The following IGF2BP3 variants were observed in gnomAD, a reference collection of about 807,000 sequenced individuals.
IGF2BP3 encodes insulin like growth factor 2 mRNA binding protein 3.
IGF2BP3 carries 9 observed loss-of-function variants against 73.8 expected under a neutral mutation model. The ratio of observed to expected loss-of-function variants is 0.12; its 90% confidence interval spans 0.07 to 0.21. The LOEUF is 0.21. Ranked by LOEUF, IGF2BP3 falls within the 10% of genes least tolerant of loss-of-function variation. IGF2BP3 has a pLI of 1.00. For synonymous variants in IGF2BP3, 258 were observed against 256.7 expected (o/e 1.01, Z -0.05); for missense variants, 542 against 714.0 (o/e 0.76, Z 2.75).
At chr7:23,355,216 TTTATTTTTA>T (rs1250101181) in intron 5 of IGF2BP3, among the ~76,000 whole-genome samples, 19 of 127,576 alleles carry the variant, frequency 1.5e-4, no homozygotes, top group East Asian at 3.9e-4. Context: ...GTTTTGTCTT[TTTATTTTTA>T]TTTTTTTTTT....
chr7:23,428,014 T>A (rs1008771480), intron 2 of IGF2BP3, among the ~76,000 whole-genome samples: 3 of 146,748 alleles, frequency 2.0e-5, no homozygotes, highest in Non-Finnish European at 4.5e-5. Context: ...TCAAAAAAAA[T>A]AAAATAAAAT....
intron 13 of IGF2BP3, 21 bp downstream of exon 13, chr7:23,313,501 A>G (rs757020847): frequency 8.7e-6 from 14 of 1,612,566 alleles, no homozygotes; most frequent in Middle Eastern, 1.7e-4. Flanking sequence ...ACCACTGCAC[A>G]GGTTTTGCTG....
chr7:23,442,212 G>C (rs1476166165), intron 2 of IGF2BP3, among the ~76,000 whole-genome samples: 1 of 152,148 alleles, frequency 6.6e-6, no homozygotes, highest in Non-Finnish European at 1.5e-5. Flanking sequence ...TAGGCATAAT[G>C]GTTGTCATTG....
chr7:23,412,842 CTTTTTTTTTTTTTTTTTTT>C (rs557467066), intron 3 of IGF2BP3, among the ~76,000 whole-genome samples: 64 of 37,026 alleles, frequency 1.7e-3, no homozygotes, highest in South Asian at 0.012. Context: ...AGACTCTGGC[CTTTTTTTTTTTTTTTTTTT>C]TTTTTTTTTT....
In IGF2BP3 at chr7:23,346,778, A is replaced by T. The variant is rs577369338; in HGVS notation, c.819-716T>A. Among the ~76,000 whole-genome samples, 107 of 152,042 alleles carry T rather than the reference A, an allele frequency of 7.0e-4. No homozygotes were observed. The Middle Eastern group carries it at 0.01, about 14-fold the overall frequency. On this transcript the variant is annotated intron_variant, in intron 7 of 14. Transcript: ENST00000258729. ...CATCTAATTCTTGTATTTTCAGTAGAGACGGGGTTTCACCATGTTGGCCAG... is the reference window on the plus strand; with the variant it reads ...CATCTAATTCTTGTATTTTCAGTAGTGACGGGGTTTCACCATGTTGGCCAG...
intron 2 of IGF2BP3, chr7:23,431,439 T>C (rs893735274): frequency 2.0e-5 from 3 of 152,110 alleles, no homozygotes; most frequent in Non-Finnish European, 4.4e-5. Flanking sequence ...CAGTCTTAAA[T>C]AAGTATCTGT....
chr7:23,336,283 T>TA (rs1168299153), intron 10 of IGF2BP3, among the ~76,000 whole-genome samples: 2 of 152,184 alleles, frequency 1.3e-5, no homozygotes, highest in Non-Finnish European at 2.9e-5. Context: ...ACTGTTAACC[T>TA]ACAAGACATC....
intron 3 of IGF2BP3, among the ~76,000 whole-genome samples, chr7:23,404,849 C>G (rs1450809813): frequency 2.0e-5 from 3 of 152,116 alleles, no homozygotes; most frequent in African/African-American, 7.2e-5. Flanking sequence ...TAATAGTGCC[C>G]TGTCACTCCC....
Position 23,347,725 on chromosome 7 carries a change from G to T in IGF2BP3, c.693C>A (p.Val231=). The change falls in exon 7 of 15, where the codon GTC becomes GTA. Residue 231 remains valine, a synonymous_variant. Coordinates refer to ENST00000258729, the MANE Select transcript of IGF2BP3 (RefSeq NM_006547.3). ...CAGCCCCCGCATTTTCTTTACGGTG[G>T]ACATCGATTCTGATAGTGGGCGCAA... ...ITKQTQSKID[V]HRKENAGAAE... 6.2e-7 allele frequency: 1 copy of T among 1,614,058 alleles called. No individual in the cohort carries two copies. Among genetic ancestry groups the T allele is most frequent in the East Asian group, 2.2e-5 (1 of 44,846 alleles).
chr7:23,466,694 GC>G (rs1375371997), intron 2 of IGF2BP3, among the ~76,000 whole-genome samples: 3 of 152,268 alleles, frequency 2.0e-5, no homozygotes, highest in Admixed American at 2.0e-4. Context: ...AATAAAACAG[GC>G]AGTTGTTAAC....
intron 5 of IGF2BP3, among the ~76,000 whole-genome samples, chr7:23,356,178 A>T (rs1785091458): frequency 6.6e-6 from 1 of 152,224 alleles, no homozygotes; most frequent in South Asian, 2.1e-4. Context: ...TAACCACGTT[A>T]TCCTCCAAAG....
rs866738454 is a variant in IGF2BP3, at chr7:23,418,795, G to T, written c.266C>A (p.Pro89Gln). 1 of 1,581,574 alleles carries T rather than the reference G, an allele frequency of 6.3e-7. No homozygotes were observed. Among genetic ancestry groups the T allele is most frequent in the South Asian group, 1.1e-5 (1 of 87,056 alleles). ...TCTTACCTCCCACTGTAAATGAGGC[G>T]GGATATTTCGTATCTGAAGTTTCCG... ...RIRKLQIRNIPPHLQWEVLDS... is the reference protein window; with the variant it reads ...RIRKLQIRNIQPHLQWEVLDS... Residue 89 changes from proline to glutamine, a missense_variant, in exon 3 of 15, where the codon CCG becomes CAG. Around this residue, in one of 2 missense-constraint regions of IGF2BP3, gnomAD observed 239 missense variants for 241.9 expected, o/e 0.99. Transcript: ENST00000258729.
intron 6 of IGF2BP3, among the ~76,000 whole-genome samples, chr7:23,349,925 A>T (rs887149908): frequency 2.0e-5 from 3 of 152,186 alleles, no homozygotes; most frequent in Non-Finnish European, 2.9e-5. Flanking sequence ...AAGCCCTTAA[A>T]TTTTAAGATT....
intron 2 of IGF2BP3, among the ~76,000 whole-genome samples, chr7:23,423,229 G>C (rs951633668): frequency 6.6e-6 from 1 of 152,162 alleles, no homozygotes; most frequent in African/African-American, 2.4e-5. Flanking sequence ...ATGAACCAAA[G>C]GCATGAATTA....
chr7:23,321,147 T>C (rs1487705481), intron 10 of IGF2BP3, among the ~76,000 whole-genome samples: 1 of 152,160 alleles, frequency 6.6e-6, no homozygotes, highest in Admixed American at 6.5e-5. Flanking sequence ...TTTCTGCATT[T>C]CCATCTGAGG....
intron 3 of IGF2BP3, among the ~76,000 whole-genome samples, chr7:23,370,666 G>T (rs1366934763): frequency 6.7e-6 from 1 of 150,350 alleles, no homozygotes; most frequent in East Asian, 1.9e-4. Flanking sequence ...GCTAGTTCTA[G>T]GTTTTTTGGT....
At chr7:23,360,898 G>C (rs1168193398) in intron 5 of IGF2BP3, among the ~76,000 whole-genome samples, 2 of 152,114 alleles carry the variant, frequency 1.3e-5, no homozygotes, top group Non-Finnish European at 2.9e-5. Context: ...TCTGTTAAAG[G>C]CCATATTTGT....
intron 5 of IGF2BP3, among the ~76,000 whole-genome samples, chr7:23,356,941 T>C (rs1776034092): frequency 1.2e-4 from 18 of 152,086 alleles, no homozygotes; most frequent in Admixed American, 1.2e-3. Flanking sequence ...TATGCAGAGA[T>C]TAGAATCAGT....
At chr7:23,351,946 G>A (rs1784973769) in intron 5 of IGF2BP3, among the ~76,000 whole-genome samples, 1 of 152,232 alleles carries the variant, frequency 6.6e-6, no homozygotes, top group African/African-American at 2.4e-5. Flanking sequence ...TAAGCAGCAA[G>A]AGAGAAGCAA....
Sources: allele counts gnomAD v4.1 joint callset (sites outside exome capture counted in the v4.1 genomes callset), GRCh38; gene constraint gnomAD v4.1.1; regional missense constraint gnomAD v4.1.1; transcripts MANE v1.5; gene names NCBI Gene and HGNC (gene_info 2026-07-23, HGNC 2026-07-21).